Variants in OCLN observed in about 807,000 individuals in gnomAD.
The protein encoded by OCLN is occludin.
Under a neutral mutation model 47.9 loss-of-function variants are expected in OCLN, and 21 were observed. The ratio of observed to expected loss-of-function variants is 0.44; its 90% CI spans 0.31 to 0.63. The LOEUF (loss-of-function observed/expected upper bound fraction) is 0.63. OCLN is among the 30% of genes least tolerant of loss of function. The pLI is 0.08. For synonymous variants in OCLN, 117 were observed against 198.4 expected (o/e 0.59, Z 3.45); for missense variants, 360 against 571.0 (o/e 0.63, Z 3.77).
At chr5:69,501,340 G>A (rs141708773) in intron 1 of OCLN, among the ~76,000 whole-genome samples, 2 of 152,156 alleles carry the variant, frequency 1.3e-5, no homozygotes, top group African/African-American at 4.8e-5. Context: ...CTAGAATATA[G>A]AGAAATTGGC....
chr5:69,505,264 A>G (rs1350584246), intron 2 of OCLN, among the ~76,000 whole-genome samples: 1 of 152,200 alleles, frequency 6.6e-6, no homozygotes, highest in Admixed American at 6.5e-5. Context: ...AAATAAATAA[A>G]TAAATAAAAA....
intron 4 of OCLN, among the ~76,000 whole-genome samples, chr5:69,518,432 G>A (rs1769037320): frequency 6.6e-6 from 1 of 152,146 alleles, no homozygotes; most frequent in Non-Finnish European, 1.5e-5. Context: ...GCCTCAGAAA[G>A]CCTATTTAAA....
intron 1 of OCLN, among the ~76,000 whole-genome samples, chr5:69,494,666 T>TCTCC (rs1768244037): frequency 6.6e-6 from 1 of 152,176 alleles, no homozygotes; most frequent in African/African-American, 2.4e-5. Context: ...AAGACATGAT[T>TCTCC]CTCCACCTTT....
chr5:69,530,683 G>A (rs1279948134), intron 4 of OCLN: 2 of 152,102 alleles, frequency 1.3e-5, no homozygotes, highest in Non-Finnish European at 2.9e-5. Context: ...TTCCTGTATT[G>A]TTCAACTTTA....
chr5:69,507,885 C>T (rs1364567688), intron 2 of OCLN, among the ~76,000 whole-genome samples: 2 of 152,144 alleles, frequency 1.3e-5, no homozygotes, highest in Non-Finnish European at 2.9e-5. Flanking sequence ...GGATTACAGG[C>T]GTGAGCCACC....
intron 4 of OCLN, among the ~76,000 whole-genome samples, chr5:69,516,901 A>T (rs560569642): frequency 6.7e-6 from 1 of 150,190 alleles, no homozygotes; most frequent in South Asian, 2.1e-4. Flanking sequence ...TACAAAAAAT[A>T]AAAAAAAAAT....
intron 3 of OCLN, among the ~76,000 whole-genome samples, chr5:69,512,853 A>G (rs559127441): frequency 7.2e-4 from 109 of 152,248 alleles, no homozygotes; most frequent in African/African-American, 2.5e-3. Flanking sequence ...TTAATATCTG[A>G]AATGTTTCTG....
intron 1 of OCLN, among the ~76,000 whole-genome samples, chr5:69,500,403 CTTTTTT>C (rs72338145): frequency 7.0e-6 from 1 of 142,528 alleles, no homozygotes; most frequent in African/African-American, 2.6e-5. Context: ...GCTTTCTTTT[CTTTTTT>C]TTTTTTTTGA....
In OCLN at chr5:69,555,040, AT is replaced by A. The variant is rs1769937753; in HGVS notation, c.*1371del. 1 of 148,646 alleles carries A rather than the reference AT, an allele frequency of 6.7e-6. No individual in the cohort carries two copies. The highest frequency in any genetic ancestry group is 1.5e-5 in the Non-Finnish European group (1 of 67,104). The allele number at this position is 148,646 out of a possible 1,614,324, so 9.2% of individuals were successfully genotyped here. The stretch of plus-strand genomic sequence containing the variant: ...AACCTCCACCTCCCGGGTTCAAGCA[AT>A]TCTCCTGCCTCAGCCTCTCGAGTAG... On this transcript the variant is annotated 3_prime_UTR_variant, in exon 9 of 9. Transcript: ENST00000396442.
At chr5:69,526,886 G>A (rs1278345463) in intron 4 of OCLN, among the ~76,000 whole-genome samples, 1 of 152,214 alleles carries the variant, frequency 6.6e-6, no homozygotes, top group Non-Finnish European at 1.5e-5. Flanking sequence ...CCTGATGCAT[G>A]CGTAATGAAC....
chr5:69,505,698 C>T (rs1031722484), intron 2 of OCLN, among the ~76,000 whole-genome samples: 2 of 152,138 alleles, frequency 1.3e-5, no homozygotes, highest in Non-Finnish European at 2.9e-5. Context: ...TCCAAATTTG[C>T]TATCAAACAT....
intron 4 of OCLN, among the ~76,000 whole-genome samples, chr5:69,528,728 T>C (rs1769349669): frequency 6.6e-6 from 1 of 152,216 alleles, no homozygotes; most frequent in Non-Finnish European, 1.5e-5. Context: ...TTTCCTCATC[T>C]GAAAATAGAG....
intron 4 of OCLN, among the ~76,000 whole-genome samples, chr5:69,529,532 C>G (rs1430172014): frequency 6.6e-6 from 1 of 152,128 alleles, no homozygotes; most frequent in African/African-American, 2.4e-5. Context: ...ATTAATAATT[C>G]ATACTCCTTA....
intron 2 of OCLN, among the ~76,000 whole-genome samples, chr5:69,505,505 A>G (rs1768575537): frequency 6.6e-6 from 1 of 152,198 alleles, no homozygotes; most frequent in African/African-American, 2.4e-5. Flanking sequence ...TCTATTCTGC[A>G]TATTTTGTAT....
chr5:69,520,861 G>A (rs1269789074), intron 4 of OCLN, among the ~76,000 whole-genome samples: 1 of 151,232 alleles, frequency 6.6e-6, no homozygotes, highest in Non-Finnish European at 1.5e-5. Context: ...TGGGATTTTT[G>A]TTTTGAGATG....
chr5:69,503,591 T>C (rs1768517716), intron 1 of OCLN, among the ~76,000 whole-genome samples: 1 of 152,178 alleles, frequency 6.6e-6, no homozygotes, highest in Middle Eastern at 3.2e-3. Context: ...GAGTGAAATT[T>C]CTCCTCAGAT....
chr5:69,513,007 C>T (rs149378738), intron 3 of OCLN, among the ~76,000 whole-genome samples: 1,599 of 152,244 alleles, frequency 0.011, 16 homozygotes, highest in Non-Finnish European at 0.014. Context: ...TCCCTGCAGA[C>T]GTAGGTTTTC....
chr5:69,531,072 A>G (rs1769418869), intron 4 of OCLN, among the ~76,000 whole-genome samples: 1 of 152,216 alleles, frequency 6.6e-6, no homozygotes, highest in African/African-American at 2.4e-5. Flanking sequence ...CTGGAAAAGG[A>G]ACGATATTTG....
intron 4 of OCLN, among the ~76,000 whole-genome samples, chr5:69,523,652 C>T (rs775976130): frequency 3.3e-5 from 5 of 151,892 alleles, no homozygotes; most frequent in Non-Finnish European, 7.4e-5. Context: ...TCTCCTGCCT[C>T]AGCCTCCTAA....
Sources: gnomAD v4.1 joint callset for allele counts (sites outside exome capture counted in the v4.1 genomes callset) on GRCh38, gnomAD v4.1.1 for gene constraint, MANE v1.5 for transcripts, NCBI Gene and HGNC (gene_info 2026-07-23, HGNC 2026-07-21) for gene names.